The following INO80D variants were observed in gnomAD, a reference collection of about 807,000 sequenced individuals.
INO80D encodes the protein INO80 complex subunit D.
Under a neutral mutation model 87.6 loss-of-function variants are expected in INO80D, and 21 were observed. The ratio of observed to expected loss-of-function variants is 0.24; its 90% CI spans 0.17 to 0.35. The LOEUF is 0.35. INO80D is among the 10% of genes least tolerant of loss of function. The pLI, the probability that INO80D is intolerant of heterozygous loss-of-function variation, is 1.00. For missense variants in INO80D, 982 were observed against 1,280.7 expected, an observed-to-expected ratio of 0.77 and a Z score of 3.56; for synonymous variants, 440 against 491.0, an observed-to-expected ratio of 0.90 and a Z score of 1.37.
chr2:206,056,254 A>T lies in INO80D; in HGVS notation c.908T>A (p.Leu303Gln), dbSNP rs906767752. ...HFSCISRLQRLVKLCTQKHQL... is the reference protein window; with the variant it reads ...HFSCISRLQRQVKLCTQKHQL... ...ATGTTTCTGGGTGCACAGTTTCACC[A>T]GTCTCTGCAGTCGGCTTATACATGA... The change falls in exon 4 of 11, where the codon CTG (leucine) becomes CAG (glutamine). Residue 303 changes from leucine to glutamine, a missense_variant. Transcript: ENST00000403263. 8 of 1,611,682 alleles carry T rather than the reference A, an allele frequency of 5.0e-6. No homozygotes were observed. Among genetic ancestry groups the T allele is most frequent in the Non-Finnish European group, 6.8e-6 (8 of 1,179,048 alleles).
At chr2:206,080,789 G>A (rs1434298993) in intron 1 of INO80D, among the ~76,000 whole-genome samples, 5 of 150,612 alleles carry the variant, frequency 3.3e-5, no homozygotes, top group Admixed American at 6.7e-5. Flanking sequence ...TGTAGTCCCA[G>A]CTACTTGGGA....
intron 6 of INO80D, among the ~76,000 whole-genome samples, chr2:206,022,179 C>T (rs1439483154): frequency 6.6e-6 from 1 of 151,526 alleles, no homozygotes; most frequent in Non-Finnish European, 1.5e-5. Context: ...GCCTGGCCAA[C>T]ACAGTGAAAC....
At chr2:206,030,364 G>C (rs1476262984) in intron 5 of INO80D, among the ~76,000 whole-genome samples, 1 of 152,114 alleles carries the variant, frequency 6.6e-6, no homozygotes, top group African/African-American at 2.4e-5. Context: ...TCAGGAGACT[G>C]AGGCAGGAGA....
At position 206,007,295 on chromosome 2, in the gene INO80D, T is replaced by A; in HGVS notation, c.1907A>T (p.Asp636Val). 6.2e-7 allele frequency: 1 copy of A among 1,612,406 alleles called. No individual in the cohort carries two copies. The highest frequency in any genetic ancestry group is 8.5e-7 in the Non-Finnish European group (1 of 1,179,482). Residue 636 changes from aspartate to valine, a missense_variant, in exon 10 of 11, where the codon GAT (aspartate) becomes GTT (valine). By Grantham distance (152) the Asp-to-Val change is radical. Transcript: ENST00000403263. ...AATATTGACTATACCTTCAAAAAAA[T>A]CAAAATCTTGTAAGTCATCAGGTAG... ...PRLPDDLQDF[D>V]FFEGKNGDLL...
chr2:206,054,821 G>GT (rs1245390015), intron 4 of INO80D, among the ~76,000 whole-genome samples: 1 of 151,920 alleles, frequency 6.6e-6, no homozygotes, highest in Non-Finnish European at 1.5e-5. Context: ...GCCTATTTTT[G>GT]TTTTTTTAGA....
intron 4 of INO80D, among the ~76,000 whole-genome samples, chr2:206,049,325 ATAAT>A (rs1177354738): frequency 1.3e-5 from 2 of 152,352 alleles, no homozygotes; most frequent in South Asian, 2.1e-4. Flanking sequence ...CTCAACTGAA[ATAAT>A]TAATAATTTG....
At position 205,999,282 on chromosome 2, in the gene INO80D, G is replaced by A. The variant is rs1361986439; in HGVS notation, c.*5086C>T. 6.6e-6 allele frequency: 1 copy of A among 152,300 alleles called. No individual in the cohort carries two copies. Among genetic ancestry groups the A allele is most frequent in the African/African-American group, 2.4e-5 (1 of 41,470 alleles). 9.4% of individuals were successfully genotyped at this position (152,300 alleles called of 1,614,324 possible). ...GGATGGGTACAGATCATATGTGCGT[G>A]TGCATTCTTCGGGACTGTGGTGGGC... On this transcript the variant is annotated 3_prime_UTR_variant, in exon 11 of 11. Transcript: ENST00000403263.
chr2:206,010,403 C>T (rs1575796880), intron 8 of INO80D, among the ~76,000 whole-genome samples: 1 of 151,914 alleles, frequency 6.6e-6, no homozygotes, highest in East Asian at 1.9e-4. Flanking sequence ...AAACCAGGAA[C>T]AGTATATAAA....
At chr2:206,018,838 G>A (rs1216932968) in intron 7 of INO80D, among the ~76,000 whole-genome samples, 1 of 152,200 alleles carries the variant, frequency 6.6e-6, no homozygotes, top group East Asian at 1.9e-4. Flanking sequence ...GGGAGGTCGA[G>A]GCTGCAGTGA....
At chr2:206,042,349 C>T (rs1335004940) in intron 5 of INO80D, among the ~76,000 whole-genome samples, 1 of 151,766 alleles carries the variant, frequency 6.6e-6, no homozygotes, top group Non-Finnish European at 1.5e-5. Context: ...GGAATTAGAA[C>T]ACAAAGCAAT....
At chr2:206,040,614 G>A in intron 5 of INO80D, 1 of 252,862 alleles carries the variant, frequency 4.0e-6, no homozygotes, top group South Asian at 5.1e-5. Context: ...TGGGCAAAAA[G>A]AAGATTACCA....
chr2:205,997,741 T>A lies in INO80D; in HGVS notation c.*6627A>T, dbSNP rs887679696. Reference sequence around the variant, plus strand: ...TCCAAAGGTTAACATAAAATGCACATGATATCAGAGCTAGCCTTTTAACAT... The same window carrying A: ...TCCAAAGGTTAACATAAAATGCACAAGATATCAGAGCTAGCCTTTTAACAT... On this transcript the variant is annotated 3_prime_UTR_variant, in exon 11 of 11. Transcript: ENST00000403263. 6.6e-6 allele frequency: 1 copy of A among 152,198 alleles called. No homozygotes were observed. Among genetic ancestry groups the A allele is most frequent in the South Asian group, 2.1e-4 (1 of 4,834 alleles). 9.4% of individuals were successfully genotyped at this position (152,198 alleles called of 1,614,324 possible). A position where few individuals can be genotyped will look rare whatever the true frequency, so the allele number is the denominator to read the frequency against.
At chr2:206,039,477 C>T (rs115950250) in intron 5 of INO80D, among the ~76,000 whole-genome samples, 3,120 of 152,144 alleles carry the variant, frequency 0.021, 152 homozygotes, top group Admixed American at 0.12. Flanking sequence ...GGCTTAGTGG[C>T]ATGGTTCCAG....
In INO80D at chr2:206,009,673, G is replaced by C; in HGVS notation, c.1664C>G (p.Pro555Arg). Residue 555 changes from proline to arginine, a missense_variant, in exon 9 of 11, where the codon CCT becomes CGT. Coordinates refer to ENST00000403263, the MANE Select transcript of INO80D (RefSeq NM_017759.5). ...TGGAATGGGTTTTTGGGGTCGACGA[G>C]GTCCACGCCTTCTCTTCTTCTTGTG... Reference protein sequence around the residue: ...KKHKKKRRRGPRRPQKPIPPA... With the variant: ...KKHKKKRRRGRRRPQKPIPPA... 6.2e-7 allele frequency: 1 copy of C among 1,613,994 alleles called. No individual in the cohort carries two copies. The highest frequency in any genetic ancestry group is 8.5e-7 in the Non-Finnish European group (1 of 1,179,900).
Position 206,056,470 on chromosome 2 carries a change from T to C in INO80D, c.692A>G (p.Lys231Arg), listed in dbSNP as rs773726920. The C allele has an allele frequency of 4.3e-6, 7 of 1,613,936 alleles. No homozygotes were observed. The East Asian group carries it at 1.6e-4, about 36-fold the overall frequency. ...PPAPPQGSVC[K>R]SPQPQNTSLP... ...GCTGGTGTTCTGAGGTTGAGGTGAC[T>C]TGCAGACTGAACCCTGCGGTGGCGC... is the stretch of plus-strand genomic sequence containing the variant. Residue 231 changes from lysine (K) to arginine (R), a missense_variant, in exon 4 of 11, where the codon AAG becomes AGG. Coordinates refer to ENST00000403263, the MANE Select transcript of INO80D (RefSeq NM_017759.5).
intron 1 of INO80D, among the ~76,000 whole-genome samples, chr2:206,074,283 T>G (rs1397616968): frequency 6.6e-6 from 1 of 152,010 alleles, no homozygotes; most frequent in Non-Finnish European, 1.5e-5. Context: ...GTAGAAAAAA[T>G]ATTTCAACAG....
chr2:206,019,571 G>C (rs142061173), intron 7 of INO80D, among the ~76,000 whole-genome samples, 165 bp downstream of exon 7: 3,149 of 152,168 alleles, frequency 0.021, 47 homozygotes, highest in Middle Eastern at 0.034. Context: ...AGTAAAACAA[G>C]AAAAATTATT....
intron 4 of INO80D, among the ~76,000 whole-genome samples, chr2:206,052,993 TAAC>T (rs1183657093): frequency 1.3e-5 from 2 of 152,012 alleles, no homozygotes; most frequent in Non-Finnish European, 1.5e-5. Context: ...AAGGCAATAA[TAAC>T]AATAATACTA....
chr2:206,041,059 A>AT (rs1401419329), intron 5 of INO80D, among the ~76,000 whole-genome samples: 1 of 152,216 alleles, frequency 6.6e-6, no homozygotes, highest in Non-Finnish European at 1.5e-5. Flanking sequence ...GATGTATGAT[A>AT]TAAACCCTAC....
Sources: allele counts gnomAD v4.1 joint callset (sites outside exome capture counted in the v4.1 genomes callset), GRCh38; gene constraint gnomAD v4.1.1; transcripts MANE v1.5; gene names NCBI Gene and HGNC (gene_info 2026-07-23, HGNC 2026-07-21).